Variants in ZNF771 observed in about 807,000 individuals in gnomAD.
ZNF771 encodes mesenchymal stem cell protein DSC43.
In ZNF771, 10 loss-of-function variants were observed where a neutral mutation model predicts 27.6. That is an observed-to-expected ratio of 0.36 (90% confidence interval 0.22 to 0.61). The LOEUF is 0.61. ZNF771 is among the 20% of genes least tolerant of loss of function. ZNF771 has a pLI of 0.70. For synonymous variants in ZNF771, 261 were observed against 225.2 expected, an observed-to-expected ratio of 1.16 and a Z score of -1.43; for missense variants, 438 against 503.7, an observed-to-expected ratio of 0.87 and a Z score of 1.25.
chr16:30,418,573 G>T lies in ZNF771; in HGVS notation c.*206G>T, dbSNP rs907752627. Reference sequence around the variant, plus strand: ...CACTACATTCCCTCGGCCCGTGTTAGTGAATAAAGTATTATATCCTCACCC... The same window carrying T: ...CACTACATTCCCTCGGCCCGTGTTATTGAATAAAGTATTATATCCTCACCC... On this transcript the variant is annotated 3_prime_UTR_variant, in exon 3 of 3. Coordinates refer to ENST00000319296, the MANE Select transcript of ZNF771 (RefSeq NM_001142305.2). 16 of 497,222 alleles carry T rather than the reference G, an allele frequency of 3.2e-5. No individual in the cohort carries two copies. The Admixed American group carries it at 6.9e-4, about 21-fold the overall frequency. 30.8% of individuals were successfully genotyped at this position (497,222 alleles called of 1,614,324 possible).
At position 30,417,749 on chromosome 16, in the gene ZNF771, G is replaced by A. The variant is rs1480051386; in HGVS notation, c.336G>A (p.Thr112=). The A allele has an allele frequency of 9.9e-6, 14 of 1,418,888 alleles. No homozygotes were observed. The highest frequency in any genetic ancestry group is 1.0e-5 in the Non-Finnish European group (11 of 1,092,384). 87.9% of individuals were successfully genotyped at this position (1,418,888 alleles called of 1,614,324 possible). A position where few individuals can be genotyped will look rare whatever the true frequency, so the allele number is the denominator to read the frequency against. ...QKSALTKHGR[T]HTGERPYECP... The stretch of plus-strand genomic sequence containing the variant: ...CGGCGCTGACCAAACACGGCCGCAC[G>A]CACACGGGCGAGCGGCCCTACGAGT... The change falls in exon 3 of 3, where the codon ACG becomes ACA. Residue 112 remains threonine (T), a synonymous_variant. Transcript: ENST00000319296.
chr16:30,417,439 C>T (rs1054974302), intron 2 of ZNF771, 116 bp from the exon 3 acceptor site: 5 of 672,496 alleles, frequency 7.4e-6, no homozygotes, highest in Non-Finnish European at 1.0e-5. Flanking sequence ...GCACCGTGGC[C>T]TTTCCTATTT....
intron 2 of ZNF771, among the ~76,000 whole-genome samples, chr16:30,415,479 G>A (rs986940353): frequency 8.0e-5 from 12 of 149,776 alleles, no homozygotes; most frequent in Admixed American, 2.7e-4. Flanking sequence ...CACCTCCCGG[G>A]TTCAAGCAGT....
chr16:30,416,034 C>T (rs1283617470), intron 2 of ZNF771, among the ~76,000 whole-genome samples: 1 of 152,188 alleles, frequency 6.6e-6, no homozygotes, highest in African/African-American at 2.4e-5. Context: ...CAGATTGTTT[C>T]ATTTCAGACC....
chr16:30,412,569 G>T (rs2050109822), intron 2 of ZNF771, among the ~76,000 whole-genome samples: 1 of 152,172 alleles, frequency 6.6e-6, no homozygotes, highest in African/African-American at 2.4e-5. Context: ...GAGGCAGGAG[G>T]ATTGATTGAG....
At chr16:30,416,997 C>T (rs1784788891) in intron 2 of ZNF771, among the ~76,000 whole-genome samples, 1 of 151,864 alleles carries the variant, frequency 6.6e-6, no homozygotes, top group South Asian at 2.1e-4. Context: ...ACCACTACAT[C>T]CGTGACTCCC....
intron 1 of ZNF771, 161 bp from the exon 2 acceptor site, chr16:30,407,884 T>TG (rs1425160894): frequency 7.8e-6 from 4 of 513,114 alleles, no homozygotes; most frequent in Non-Finnish European, 1.4e-5. Context: ...TGCCAGAGCG[T>TG]GGGGCCGGGC....
At chr16:30,407,944 A>T in intron 1 of ZNF771, 101 bp from the exon 2 acceptor site, 2 of 723,834 alleles carry the variant, frequency 2.8e-6, no homozygotes, top group Non-Finnish European at 4.3e-6. Context: ...AGGGCGGGAG[A>T]AGCCACGGCT....
chr16:30,412,103 T>A (rs1441759797), intron 2 of ZNF771, among the ~76,000 whole-genome samples: 1 of 152,188 alleles, frequency 6.6e-6, no homozygotes, highest in Non-Finnish European at 1.5e-5. Flanking sequence ...TCTGGCTTCA[T>A]CCCCTCGACA....
At chr16:30,408,011 G>GGGGCCTGA in intron 1 of ZNF771, 34 bp from the exon 2 acceptor site, 1 of 1,375,394 alleles carries the variant, frequency 7.3e-7, no homozygotes, top group Non-Finnish European at 9.7e-7. Flanking sequence ...GGGGGGGGCG[G>GGGGCCTGA]GTCCTGAGCT....
Position 30,417,559 on chromosome 16 carries a change from C to T in ZNF771, c.146C>T (p.Pro49Leu). The T allele has an allele frequency of 8.2e-7, 1 of 1,220,176 alleles. No individual in the cohort carries two copies. Among genetic ancestry groups the T allele is most frequent in the African/African-American group, 1.6e-5 (1 of 63,650 alleles). The allele number at this position is 1,220,176 out of a possible 1,614,324, so 75.6% of individuals were successfully genotyped here. ...CCTATCCCCCTCTCCCCGCAGGTCCCGGGCGAGGCGCCCGCGCCGTCCGCC... is the reference window on the plus strand; with the variant it reads ...CCTATCCCCCTCTCCCCGCAGGTCCTGGGCGAGGCGCCCGCGCCGTCCGCC... ...LKIPMDNKEV[P>L]GEAPAPSADP... The change falls in exon 3 of 3, where the codon CCG becomes CTG. Residue 49 changes from proline to leucine, a missense_variant. Physicochemically the swap from Pro to Leu is moderately conservative, Grantham distance 98 (BLOSUM62 -3). Transcript: ENST00000319296.
Position 30,418,345 on chromosome 16 carries a change from G to T in ZNF771, c.932G>T (p.Cys311Phe). The change falls in exon 3 of 3, where the codon TGC becomes TTC. Residue 311 changes from cysteine to phenylalanine, a missense_variant. Coordinates refer to ENST00000319296, the MANE Select transcript of ZNF771 (RefSeq NM_001142305.2). ...GATAATATER[C>F]PECEGS is the part of the protein sequence containing the mutation. ...ACGGCCGCCACTGCCACCGAGCGTT[G>T]CCCGGAGTGTGAGGGCAGCTGAGTC... 1 of 1,449,068 alleles carries T rather than the reference G, an allele frequency of 6.9e-7. No individual in the cohort carries two copies. The highest frequency in any genetic ancestry group is 9.1e-7 in the Non-Finnish European group (1 of 1,102,956). 89.8% of individuals were successfully genotyped at this position (1,449,068 alleles called of 1,614,324 possible).
In ZNF771 at chr16:30,408,172, AGATCCCCAT is replaced by A; in HGVS notation, c.121_129del (p.Ile41_Met43del). 6.2e-7 allele frequency: 1 copy of A among 1,613,854 alleles called. No individual in the cohort carries two copies. The highest frequency in any genetic ancestry group is 1.1e-5 in the South Asian group (1 of 91,080). ...GAGAAGTATGAGGTGGTGAAACTCA[AGATCCCCAT>A]GGACAACAAGGAGGTATGTGTCACA... On this transcript the variant is annotated inframe_deletion, in exon 2 of 3. Coordinates refer to ENST00000319296, the MANE Select transcript of ZNF771 (RefSeq NM_001142305.2).
In ZNF771 at chr16:30,418,061, G is replaced by C. The variant is rs780184432; in HGVS notation, c.648G>C (p.Ser216=). The change falls in exon 3 of 3, where the codon TCG becomes TCC. Residue 216 remains serine (S), a synonymous_variant. Transcript: ENST00000319296. ...GCGGCACGCGCTTCGCTCAGAGCTC[G>C]GCGCTGGCCAAGCACCGGCGCGTGC... ...ADCGTRFAQS[S]ALAKHRRVHT... 15 of 1,469,392 alleles carry C rather than the reference G, an allele frequency of 1.0e-5. No individual in the cohort carries two copies. Among genetic ancestry groups the C allele is most frequent in the Non-Finnish European group, 1.3e-5 (14 of 1,118,618 alleles). The allele number at this position is 1,469,392 out of a possible 1,614,324, so 91.0% of individuals were successfully genotyped here.
At chr16:30,415,779 T>C (rs2050130888) in intron 2 of ZNF771, among the ~76,000 whole-genome samples, 2 of 152,232 alleles carry the variant, frequency 1.3e-5, no homozygotes, top group African/African-American at 2.4e-5. Context: ...GACACTGTCT[T>C]GTCCTTAATA....
In ZNF771 at chr16:30,418,014, C is replaced by T; in HGVS notation, c.601C>T (p.Arg201Trp). The change falls in exon 3 of 3, where the codon CGG becomes TGG. Residue 201 changes from arginine to tryptophan, a missense_variant. By Grantham distance (101) the Arg-to-Trp change is moderately radical (BLOSUM62 -3). This residue lies in a region of ZNF771 where 305 missense variants were observed against 308.0 expected (regional missense o/e 0.99). Coordinates refer to ENST00000319296, the MANE Select transcript of ZNF771 (RefSeq NM_001142305.2). Reference sequence around the variant, plus strand: ...CCACCGACGCACGCACACGGGCGAGCGGCCCTACGCTTGCGCCGACTGCGG... The same window carrying T: ...CCACCGACGCACGCACACGGGCGAGTGGCCCTACGCTTGCGCCGACTGCGG... ...ARHRRTHTGERPYACADCGTR... is the reference protein window; with the variant it reads ...ARHRRTHTGEWPYACADCGTR... 6.9e-7 allele frequency: 1 copy of T among 1,454,208 alleles called. No homozygotes were observed. Among genetic ancestry groups the T allele is most frequent in the Non-Finnish European group, 9.0e-7 (1 of 1,113,616 alleles). The allele number at this position is 1,454,208 out of a possible 1,614,324, so 90.1% of individuals were successfully genotyped here. A position where few individuals can be genotyped will look rare whatever the true frequency, so the allele number is the denominator to read the frequency against.
chr16:30,409,635 T>C (rs1159000706), intron 2 of ZNF771, among the ~76,000 whole-genome samples: 1 of 152,188 alleles, frequency 6.6e-6, no homozygotes, highest in Non-Finnish European at 1.5e-5. Context: ...AGGGAAAGAA[T>C]GCTCTGCTGC....
chr16:30,410,929 C>G (rs2151123789), intron 2 of ZNF771, among the ~76,000 whole-genome samples: 1 of 149,434 alleles, frequency 6.7e-6, no homozygotes, highest in Middle Eastern at 3.6e-3. Context: ...CCTAGCTACT[C>G]TGGAGGCTGA....
At chr16:30,413,548 T>C in intron 2 of ZNF771, 1 of 400,440 alleles carries the variant, frequency 2.5e-6, no homozygotes, top group Non-Finnish European at 4.9e-6. Context: ...ACCTTATACC[T>C]CATGCTGGGA....
Sources: gnomAD v4.1 joint callset for allele counts (sites outside exome capture counted in the v4.1 genomes callset) on GRCh38, gnomAD v4.1.1 for gene constraint, gnomAD v4.1.1 regional missense constraint, MANE v1.5 for transcripts, NCBI Gene and HGNC (gene_info 2026-07-23, HGNC 2026-07-21) for gene names.